The following EPB41 variants were observed in gnomAD, a reference collection of about 807,000 sequenced individuals.
EPB41 encodes the protein protein 4.1.
Under a neutral mutation model 108.0 loss-of-function variants are expected in EPB41, and 65 were observed. The ratio of observed to expected loss-of-function variants is 0.60; its 90% CI spans 0.49 to 0.74. The LOEUF is 0.74. Ranked by LOEUF, EPB41 falls within the 30% of genes least tolerant of loss-of-function variation. The pLI, the probability that EPB41 is intolerant of heterozygous loss-of-function variation, is 0.00. For missense variants in EPB41, 875 were observed against 1,037.0 expected, an observed-to-expected ratio of 0.84 and a Z score of 2.15; for synonymous variants, 336 against 358.9, an observed-to-expected ratio of 0.94 and a Z score of 0.72.
At chr1:28,906,202 C>T (rs912214932) in intron 1 of EPB41, among the ~76,000 whole-genome samples, 3 of 152,134 alleles carry the variant, frequency 2.0e-5, no homozygotes, top group African/African-American at 4.8e-5. Context: ...GCTGGCTGGC[C>T]GGCTCAGAAC....
intron 14 of EPB41, 23 bp from the exon 15 acceptor site, chr1:29,060,399 T>C (rs367862011): frequency 5.3e-5 from 86 of 1,608,752 alleles, no homozygotes; most frequent in Non-Finnish European, 7.1e-5. Context: ...GCTTTTCTGT[T>C]TTCCCCCCTT....
chr1:29,086,275 C>CTT (rs1213378802), intron 16 of EPB41, among the ~76,000 whole-genome samples: 50 of 137,234 alleles, frequency 3.6e-4, no homozygotes, highest in Non-Finnish European at 5.9e-4. Flanking sequence ...TTTGTCTTTC[C>CTT]TTTTTTTTTT....
intron 16 of EPB41, among the ~76,000 whole-genome samples, chr1:29,087,996 A>G (rs575689204): frequency 2.6e-4 from 39 of 151,168 alleles, no homozygotes; most frequent in Non-Finnish European, 5.8e-4. Context: ...TTATATATAT[A>G]GGCAGCCAAT....
At chr1:28,907,100 T>A (rs530664013) in intron 1 of EPB41, among the ~76,000 whole-genome samples, 15 of 147,330 alleles carry the variant, frequency 1.0e-4, no homozygotes, top group Admixed American at 5.5e-4. Context: ...AGTCTCACTC[T>A]TGTCACCCAG....
intron 1 of EPB41, among the ~76,000 whole-genome samples, chr1:28,984,394 T>A (rs1465624746): frequency 6.6e-6 from 1 of 152,248 alleles, no homozygotes; most frequent in Non-Finnish European, 1.5e-5. Context: ...AAATTTATTT[T>A]GAATTTTTCT....
intron 1 of EPB41, among the ~76,000 whole-genome samples, chr1:28,939,547 G>A (rs1414611933): frequency 1.3e-5 from 2 of 152,002 alleles, no homozygotes; most frequent in African/African-American, 4.8e-5. Context: ...GGGTTCAAGC[G>A]ATTCTCCTGG....
chr1:29,053,454 C>T (rs1558164981), intron 12 of EPB41, 142 bp downstream of exon 12: 11 of 903,738 alleles, frequency 1.2e-5, no homozygotes, highest in Admixed American at 8.1e-5. Flanking sequence ...ATGAAGATGT[C>T]TCCCATGAAC....
At chr1:29,102,460 C>A (rs1665754657) in intron 17 of EPB41, among the ~76,000 whole-genome samples, 1 of 152,126 alleles carries the variant, frequency 6.6e-6, no homozygotes, top group South Asian at 2.1e-4. Context: ...CGTATAGTGG[C>A]CCCTGATGAA....
chr1:29,011,936 CTT>C, intron 5 of EPB41, 29 bp downstream of exon 5: 1 of 1,612,364 alleles, frequency 6.2e-7, no homozygotes, highest in Non-Finnish European at 8.5e-7. Context: ...TTTTATAGTT[CTT>C]TCTTTCTTTT....
At chr1:28,897,740 C>T (rs2090871873) in intron 1 of EPB41, among the ~76,000 whole-genome samples, 1 of 152,082 alleles carries the variant, frequency 6.6e-6, no homozygotes, top group Admixed American at 6.6e-5. Flanking sequence ...CTCTCTTGCC[C>T]TCCTTTTCCT....
intron 1 of EPB41, among the ~76,000 whole-genome samples, chr1:28,955,593 T>G (rs2094918205): frequency 1.3e-5 from 2 of 152,296 alleles, no homozygotes; most frequent in East Asian, 1.9e-4. Context: ...TCCGCTCACC[T>G]TGGCCTCCCA....
At chr1:29,013,630 G>T (rs1274718047) in intron 5 of EPB41, among the ~76,000 whole-genome samples, 2 of 151,920 alleles carry the variant, frequency 1.3e-5, no homozygotes, top group Admixed American at 1.3e-4. Flanking sequence ...AGGTTCAAAT[G>T]ATTCTCCTGC....
intron 1 of EPB41, 21 bp downstream of exon 1, chr1:28,914,789 C>G (rs1202312083): frequency 6.5e-6 from 1 of 152,932 alleles, no homozygotes; most frequent in Non-Finnish European, 1.5e-5. Flanking sequence ...GCGGCGGCGG[C>G]GGCGCGGGAG....
chr1:28,982,633 T>C (rs958678112), intron 1 of EPB41: 1 of 1,035,574 alleles, frequency 9.7e-7, no homozygotes, highest in Admixed American at 1.7e-5. Flanking sequence ...CACTCGGGCC[T>C]ACAGCAAAAA....
At chr1:28,911,159 C>T (rs2092236809), upstream of EPB41, 4 of 985,392 alleles carry the variant, frequency 4.1e-6, no homozygotes, top group Non-Finnish European at 4.8e-6. Flanking sequence ...CCCACATCTT[C>T]CTATGTGATA....
At chr1:28,991,460 C>T (rs1454664261) in intron 2 of EPB41, among the ~76,000 whole-genome samples, 3 of 151,638 alleles carry the variant, frequency 2.0e-5, no homozygotes, top group Non-Finnish European at 4.4e-5. Flanking sequence ...ATCCAGCACT[C>T]TGGGAGACTG....
At chr1:28,982,759 T>C (rs549243954) in intron 1 of EPB41, among the ~76,000 whole-genome samples, 1 of 152,338 alleles carries the variant, frequency 6.6e-6, no homozygotes, top group South Asian at 2.1e-4. Context: ...TCATAACTTA[T>C]ACCTGTATGA....
Position 28,961,780 on chromosome 1 carries a change from C to G in EPB41, c.-7-25651C>G, listed in dbSNP as rs544013472. 6.6e-5 allele frequency among the ~76,000 whole-genome samples: 10 copies of G among 152,294 alleles called. No individual in the cohort carries two copies. In the South Asian group the frequency reaches 1.0e-3, roughly 16 times the overall value. Reference sequence around the variant, plus strand: ...TTACTATCATCACTCAAGTTTGATTCTTCCTTTCCAGATCCAGGAGTGGAA... The same window carrying G: ...TTACTATCATCACTCAAGTTTGATTGTTCCTTTCCAGATCCAGGAGTGGAA... On this transcript the variant is annotated intron_variant, in intron 1 of 20. Coordinates refer to ENST00000343067, the MANE Select transcript of EPB41 (RefSeq NM_001376013.1).
intron 9 of EPB41, among the ~76,000 whole-genome samples, chr1:29,034,973 GTTTTTTTTT>G (rs10580931): frequency 0.16 from 13,866 of 87,996 alleles, 870 homozygotes; most frequent in African/African-American, 0.27. Context: ...TTTGTTTGTT[GTTTTTTTTT>G]TTTTTTTTTT....
Sources: allele counts gnomAD v4.1 joint callset (sites outside exome capture counted in the v4.1 genomes callset), GRCh38; gene constraint gnomAD v4.1.1; transcripts MANE v1.5; gene names NCBI Gene and HGNC (gene_info 2026-07-23, HGNC 2026-07-21).